Variants in DGKG observed in about 807,000 individuals in gnomAD.
DGKG encodes diacylglycerol kinase gamma, also known as DAG kinase gamma.
DGKG carries 78 observed loss-of-function variants against 105.3 expected under a neutral mutation model. The ratio of observed to expected loss-of-function variants is 0.74; its 90% CI spans 0.62 to 0.89. The LOEUF (loss-of-function observed/expected upper bound fraction) is 0.89. DGKG is among the 40% of genes least tolerant of loss of function. DGKG has a pLI of 0.00. For synonymous variants in DGKG, 346 were observed against 367.1 expected (o/e 0.94, Z 0.66); for missense variants, 958 against 1,020.1 (o/e 0.94, Z 0.83).
chr3:186,345,900 C>A (rs145268280), intron 1 of DGKG, among the ~76,000 whole-genome samples: 6,915 of 152,198 alleles, frequency 0.045, 532 homozygotes, highest in African/African-American at 0.16. Context: ...TCCTGAGTAG[C>A]TGGGATTACA....
intron 16 of DGKG, among the ~76,000 whole-genome samples, chr3:186,259,964 A>G (rs1262402938): frequency 6.6e-6 from 1 of 152,188 alleles, no homozygotes; most frequent in African/African-American, 2.4e-5. Context: ...TCCATTGAAC[A>G]AGTAATTGTC....
intron 1 of DGKG, among the ~76,000 whole-genome samples, chr3:186,358,483 C>A (rs896239419): frequency 1.5e-5 from 2 of 135,158 alleles, no homozygotes; most frequent in Non-Finnish European, 3.2e-5. Flanking sequence ...ATAGCTAGGG[C>A]CAGTTTGTTT....
chr3:186,338,768 A>T (rs536459361), intron 1 of DGKG, among the ~76,000 whole-genome samples: 2 of 152,070 alleles, frequency 1.3e-5, no homozygotes, highest in Non-Finnish European at 2.9e-5. Flanking sequence ...TTCTGGCACA[A>T]CTCAATCTTT....
At chr3:186,177,112 G>A (rs981122810) in intron 22 of DGKG, among the ~76,000 whole-genome samples, 3 of 152,186 alleles carry the variant, frequency 2.0e-5, no homozygotes, top group Non-Finnish European at 4.4e-5. Flanking sequence ...CCATAAGCCC[G>A]CATTCTGCAT....
intron 21 of DGKG, among the ~76,000 whole-genome samples, chr3:186,193,571 C>T (rs1718013201): frequency 6.6e-6 from 1 of 152,222 alleles, no homozygotes; most frequent in South Asian, 2.1e-4. Flanking sequence ...GCCTGCGTGC[C>T]CATTCTCCAG....
At chr3:186,182,123 C>T (rs1349944188) in intron 22 of DGKG, among the ~76,000 whole-genome samples, 1 of 152,196 alleles carries the variant, frequency 6.6e-6, no homozygotes, top group Non-Finnish European at 1.5e-5. Flanking sequence ...ACAGCCAGCT[C>T]AGGTGGAACT....
At position 186,319,820 on chromosome 3, in the gene DGKG, A is replaced by G. The variant is rs992150366; in HGVS notation, c.67+573T>C. 1.2e-4 allele frequency among the ~76,000 whole-genome samples: 18 copies of G among 152,250 alleles called. No homozygotes were observed. In the East Asian group the frequency reaches 1.3e-3, roughly 11 times the overall value. ...TCTGGGGCACAACTAATGGGAAACC[A>G]AGAGCCCCAAGTAAAAGCCCAAGCC... On this transcript the variant is annotated intron_variant, in intron 2 of 24. Transcript: ENST00000265022.
At chr3:186,206,483 G>A (rs1026858868) in intron 21 of DGKG, among the ~76,000 whole-genome samples, 1 of 152,126 alleles carries the variant, frequency 6.6e-6, no homozygotes, top group African/African-American at 2.4e-5. Flanking sequence ...ATAAGTGCTT[G>A]AGTTGAAGCC....
intron 2 of DGKG, among the ~76,000 whole-genome samples, chr3:186,314,148 T>C (rs1444069369): frequency 6.6e-6 from 1 of 151,372 alleles, no homozygotes; most frequent in Non-Finnish European, 1.5e-5. Flanking sequence ...TGCTTTAATG[T>C]AATTTAATTG....
chr3:186,262,502 C>A (rs1405744788), intron 14 of DGKG, among the ~76,000 whole-genome samples: 2 of 152,192 alleles, frequency 1.3e-5, no homozygotes, highest in Admixed American at 1.3e-4. Context: ...TGCACACCAT[C>A]CCCACACAGT....
At chr3:186,330,044 A>C (rs1236518035) in intron 1 of DGKG, among the ~76,000 whole-genome samples, 1 of 152,218 alleles carries the variant, frequency 6.6e-6, no homozygotes, top group East Asian at 1.9e-4. Flanking sequence ...TCATGGAGTC[A>C]AAGTTCCTAC....
At chr3:186,266,097 A>G (rs1722043265) in intron 13 of DGKG, among the ~76,000 whole-genome samples, 1 of 152,182 alleles carries the variant, frequency 6.6e-6, no homozygotes, top group South Asian at 2.1e-4. Context: ...TCAAATCTAA[A>G]TTGTACAGCT....
intron 16 of DGKG, among the ~76,000 whole-genome samples, chr3:186,258,461 A>G (rs560889203): frequency 2.0e-4 from 31 of 152,196 alleles, no homozygotes; most frequent in African/African-American, 7.2e-4. Flanking sequence ...CAAGGGTTCT[A>G]TGGATTGGAT....
At chr3:186,266,446 T>A (rs570428651) in intron 13 of DGKG, among the ~76,000 whole-genome samples, 1 of 152,364 alleles carries the variant, frequency 6.6e-6, no homozygotes, top group African/African-American at 2.4e-5. Context: ...AAAGCTGCTA[T>A]GAGCATTCTT....
rs1427299754 is a variant in DGKG at position 186,147,229 on chromosome 3, G to T, written c.*2861C>A. 2.0e-6 allele frequency: 2 copies of T among 985,798 alleles called. No homozygotes were observed. Among genetic ancestry groups the T allele is most frequent in the African/African-American group, 3.5e-5 (2 of 57,224 alleles). The allele number at this position is 985,798 out of a possible 1,614,324, so 61.1% of individuals were successfully genotyped here. On this transcript the variant is annotated 3_prime_UTR_variant, in exon 25 of 25. Coordinates refer to ENST00000265022, the MANE Select transcript of DGKG (RefSeq NM_001346.3). The stretch of plus-strand genomic sequence containing the variant: ...CTGCTTTACAGTTTTTATTGCTGTT[G>T]GGGTAGAAGCATGGGGGGCAGGTGA...
rs149435739 is a variant in DGKG, at chr3:186,283,229, G to A, written c.594+1431C>T. Among the ~76,000 whole-genome samples the A allele has an allele frequency of 4.2e-3, 637 of 152,140 alleles. 7 individuals are homozygous for A. The highest frequency in any genetic ancestry group is 0.015 in the African/African-American group (610 of 41,528). On this transcript the variant is annotated intron_variant, in intron 7 of 24. Transcript: ENST00000265022. The stretch of plus-strand genomic sequence containing the variant: ...ATAAACACTATTAATCACCTATAAC[G>A]TTTAATAAGATTTGCAAACTCCCCA...
At chr3:186,230,605 A>G (rs1280521725) in intron 20 of DGKG, among the ~76,000 whole-genome samples, 1 of 152,172 alleles carries the variant, frequency 6.6e-6, no homozygotes, top group Non-Finnish European at 1.5e-5. Context: ...GTGCAGCAGC[A>G]ACAGGACCAC....
intron 2 of DGKG, among the ~76,000 whole-genome samples, chr3:186,309,509 G>A (rs1289066771): frequency 6.6e-6 from 1 of 152,212 alleles, no homozygotes; most frequent in Non-Finnish European, 1.5e-5. Context: ...CCAGAGCTCA[G>A]TTAACATCAC....
At chr3:186,355,194 A>ACCCCCCACACAACTACCATCACCGC (rs1726852854) in intron 1 of DGKG, among the ~76,000 whole-genome samples, 1 of 57,802 alleles carries the variant, frequency 1.7e-5, no homozygotes, top group African/African-American at 5.1e-5. Context: ...ACCACCATCA[A>ACCCCCCACACAACTACCATCACCGC]TACCACCACC....
Sources: gnomAD v4.1 joint callset for allele counts (sites outside exome capture counted in the v4.1 genomes callset) on GRCh38, gnomAD v4.1.1 for gene constraint, MANE v1.5 for transcripts, NCBI Gene and HGNC (gene_info 2026-07-23, HGNC 2026-07-21) for gene names.